The following PRAM1 variants were observed in gnomAD, a reference collection of about 807,000 sequenced individuals.
The protein encoded by PRAM1 is PML-RARA regulated adaptor molecule 1, also known as PML-RARA-regulated adapter molecule 1.
A neutral mutation model predicts 55.3 loss-of-function variants in PRAM1; 41 were observed. That is an observed-to-expected ratio of 0.74 (90% CI 0.58 to 0.96). The LOEUF (loss-of-function observed/expected upper bound fraction) is 0.96, where lower values mean the gene tolerates loss of function less well. PRAM1 is among the 40% of genes least tolerant of loss of function. The pLI is 0.00. For missense variants in PRAM1, 898 were observed against 892.7 expected, an observed-to-expected ratio of 1.01 and a Z score of -0.08; for synonymous variants, 401 against 387.1, an observed-to-expected ratio of 1.04 and a Z score of -0.42.
chr19:8,494,967 TCTCA>T (rs1043885580), intron 4 of PRAM1, among the ~76,000 whole-genome samples: 3 of 144,010 alleles, frequency 2.1e-5, no homozygotes, highest in Non-Finnish European at 3.0e-5. Flanking sequence ...AGACACAGAG[TCTCA>T]CTCTGTCACC....
chr19:8,500,827 G>A (rs1033471945), intron 1 of PRAM1, among the ~76,000 whole-genome samples: 10 of 152,210 alleles, frequency 6.6e-5, no homozygotes, highest in Middle Eastern at 6.8e-3. Context: ...GTGCAATGGC[G>A]CGATCTCGGC....
At position 8,499,766 on chromosome 19, in the gene PRAM1, G is replaced by C; in HGVS notation, c.42C>G (p.Asp14Glu). The C allele has an allele frequency of 6.2e-7, 1 of 1,605,292 alleles. No individual in the cohort carries two copies. Residue 14 changes from aspartate (D) to glutamate (E), a missense_variant, in exon 2 of 10, where the codon GAC becomes GAG. Physicochemically the swap from Asp to Glu is conservative, Grantham distance 45. Coordinates refer to ENST00000423345, the MANE Select transcript of PRAM1 (RefSeq NM_032152.5). ...HLPAAMESHQDFRSIKAKFQA... is the reference protein window; with the variant it reads ...HLPAAMESHQEFRSIKAKFQA... ...GGAACTTTGCTTTGATGCTCCGGAA[G>C]TCCTGATGGCTCTCCTAGGAGACGC...
In PRAM1 at chr19:8,490,256, C is replaced by T. The variant is rs768898964; in HGVS notation, c.1976-30G>A. 1.2e-6 allele frequency: 2 copies of T among 1,610,878 alleles called. No homozygotes were observed. The highest frequency in any genetic ancestry group is 1.7e-6 in the Non-Finnish European group (2 of 1,178,230). On this transcript the variant is annotated intron_variant, in intron 9 of 9. Coordinates refer to ENST00000423345, the MANE Select transcript of PRAM1 (RefSeq NM_032152.5). The surrounding 1 kb of genome is among the most constrained non-coding windows in gnomAD (Gnocchi z 7.3). ...CGAGGAAGCGTGACTTCCATGGACC[C>T]CTCTCCCCAGAAGCCCAATAGTGAG...
intron 4 of PRAM1, among the ~76,000 whole-genome samples, chr19:8,492,750 A>T (rs1333989176): frequency 6.6e-6 from 1 of 152,006 alleles, no homozygotes. Context: ...TCATCCCAGC[A>T]CTTTGGGAGG....
In PRAM1 at chr19:8,494,376, G is replaced by C. The variant is rs549761190; in HGVS notation, c.1577-3219C>G. On this transcript the variant is annotated intron_variant, in intron 4 of 9. Transcript: ENST00000423345. Reference sequence around the variant, plus strand: ...CAAGCCACAGAGCCTCCCCTAGAGCGGAAGCAGAAGGGGCCCCACCAGGAA... The same window carrying C: ...CAAGCCACAGAGCCTCCCCTAGAGCCGAAGCAGAAGGGGCCCCACCAGGAA... 7.9e-5 allele frequency among the ~76,000 whole-genome samples: 12 copies of C among 152,294 alleles called. No individual in the cohort carries two copies. In the East Asian group the frequency reaches 1.7e-3, roughly 22 times the overall value.
At position 8,499,479 on chromosome 19, in the gene PRAM1, G is replaced by C; in HGVS notation, c.329C>G (p.Pro110Arg). ...CTTCTTGGGGAGGTCAGTGACCTCA[G>C]GCGGCGGGGGCTTCTTGGGGAGGTC... ...VTDLPKKPPP[P>R]EVTDLPKKPS... The change falls in exon 2 of 10, where the codon CCT becomes CGT. Residue 110 changes from proline (P) to arginine (R), a missense_variant. By Grantham distance (103) the Pro-to-Arg change is moderately radical. Coordinates refer to ENST00000423345, the MANE Select transcript of PRAM1 (RefSeq NM_032152.5). 6.2e-7 allele frequency: 1 copy of C among 1,608,744 alleles called. No individual in the cohort carries two copies. The highest frequency in any genetic ancestry group is 1.1e-5 in the South Asian group (1 of 90,738).
rs368775014 is a variant in PRAM1, at chr19:8,499,007, G to A, written c.801C>T (p.Ser267=). ...GCTGGGAGGCCTTTTTGGGAAAGGC[G>A]CTGGAGTCGCGCTTCGGCTCGCTGG... ...PQSSEPKRDS[S]AFPKKASQPP... The change falls in exon 2 of 10, where the codon AGC becomes AGT. Residue 267 remains serine, a synonymous_variant. Transcript: ENST00000423345. 9.7e-5 allele frequency: 156 copies of A among 1,613,512 alleles called. No individual in the cohort carries two copies. In the African/African-American group the frequency reaches 1.8e-3, roughly 19 times the overall value.
intron 1 of PRAM1, among the ~76,000 whole-genome samples, chr19:8,501,818 CA>C (rs910732082): frequency 2.0e-5 from 3 of 152,298 alleles, no homozygotes; most frequent in African/African-American, 7.2e-5. Context: ...TTGGTGCAGA[CA>C]CCGTGGGCAC....
chr19:8,502,457 AC>A (rs138708138), intron 1 of PRAM1, 107 bp downstream of exon 1: 3 of 469,344 alleles, frequency 6.4e-6, no homozygotes, highest in East Asian at 5.0e-5. Context: ...TTTCGCAGCC[AC>A]CCCCCGCCCC....
chr19:8,490,481 C>G lies in PRAM1; in HGVS notation c.1935G>C (p.Leu645=). The G allele has an allele frequency of 6.2e-7, 1 of 1,612,788 alleles. No homozygotes were observed. Among genetic ancestry groups the G allele is most frequent in the Non-Finnish European group, 8.5e-7 (1 of 1,179,518 alleles). The change falls in exon 8 of 10, where the codon CTG becomes CTC. Residue 645 remains leucine, a synonymous_variant. Coordinates refer to ENST00000423345, the MANE Select transcript of PRAM1 (RefSeq NM_032152.5). This position sits in a 1 kb window ranked among gnomAD's most constrained non-coding sequence, Gnocchi z 7.3. ...CGGTCAGGGCTGGCACTCACAGGGG[C>G]AGGAGCGCTGTTCTGGGCACGTAGC... The part of the protein sequence containing the change: ...KYGYVPRTAL[L]PLETEVYDDV...
chr19:8,502,399 C>T (rs998677469), intron 1 of PRAM1, among the ~76,000 whole-genome samples, 166 bp downstream of exon 1: 3 of 152,118 alleles, frequency 2.0e-5, no homozygotes, highest in Non-Finnish European at 4.4e-5. Flanking sequence ...GCCTGGTGGC[C>T]GCCTACCTCG....
Position 8,490,157 on chromosome 19 carries a change from G to T in PRAM1, c.*32C>A. On this transcript the variant is annotated 3_prime_UTR_variant, in exon 10 of 10. Coordinates refer to ENST00000423345, the MANE Select transcript of PRAM1 (RefSeq NM_032152.5). The surrounding 1 kb of genome is among the most constrained non-coding windows in gnomAD (Gnocchi z 7.3). ...CTCCTGGGTGAGCGGGCGCTGGGCT[G>T]GCTGGCTGTCCTGGCCCCACGCCTA... is the stretch of plus-strand genomic sequence containing the variant. The T allele has an allele frequency of 1.3e-6, 2 of 1,521,832 alleles. No individual in the cohort carries two copies. The highest frequency in any genetic ancestry group is 8.8e-7 in the Non-Finnish European group (1 of 1,131,166). 94.3% of individuals were successfully genotyped at this position (1,521,832 alleles called of 1,614,324 possible).
In PRAM1 at chr19:8,499,728, G is replaced by A. The variant is rs367747523; in HGVS notation, c.80C>T (p.Pro27Leu). ...SIKAKFQASQ[P>L]EPSDLPKKPP... ...TTTTTTGGGCAGGTCGCTGGGCTCC[G>A]GCTGAGAGGCCTGGAACTTTGCTTT... is the stretch of plus-strand genomic sequence containing the variant. Residue 27 changes from proline (P) to leucine (L), a missense_variant, in exon 2 of 10, where the codon CCG becomes CTG. Around this residue, in one of 4 missense-constraint regions of PRAM1, gnomAD observed 79 missense variants for 93.4 expected, o/e 0.85. Coordinates refer to ENST00000423345, the MANE Select transcript of PRAM1 (RefSeq NM_032152.5). 22 of 1,613,422 alleles carry A rather than the reference G, an allele frequency of 1.4e-5. No homozygotes were observed. The highest frequency in any genetic ancestry group is 6.7e-5 in the Admixed American group (4 of 59,896).
In PRAM1 at chr19:8,499,673, C is replaced by T. The variant is rs117729791; in HGVS notation, c.135G>A (p.Lys45=). The T allele has an allele frequency of 6.2e-3, 9,934 of 1,609,352 alleles. 68 individuals are homozygous for T. The highest frequency in any genetic ancestry group is 7.4e-3 in the Non-Finnish European group (8,732 of 1,175,764). The change falls in exon 2 of 10, where the codon AAG becomes AAA. Residue 45 remains lysine (K), a synonymous_variant. Coordinates refer to ENST00000423345, the MANE Select transcript of PRAM1 (RefSeq NM_032152.5). ...KPPKPEFGKL[K]KFSQPELSEH... ...CGCTTAGCTCAGGCTGGGAGAACTT[C>T]TTCAGTTTACCAAACTCAGGCTTCG...
In PRAM1 at chr19:8,490,308, C is replaced by T. The variant is rs537383254; in HGVS notation, c.1975+30G>A. 4.3e-6 allele frequency: 7 copies of T among 1,613,958 alleles called. No homozygotes were observed. The highest frequency in any genetic ancestry group is 4.5e-5 in the East Asian group (2 of 44,876). ...AGCGCCCCCGGGGAATCGCCAGGGTCCCTCCAGCCCTCCCAGAGTGTCCAC... is the reference window on the plus strand; with the variant it reads ...AGCGCCCCCGGGGAATCGCCAGGGTTCCTCCAGCCCTCCCAGAGTGTCCAC... On this transcript the variant is annotated intron_variant, in intron 9 of 9. Transcript: ENST00000423345. The surrounding 1 kb of genome is among the most constrained non-coding windows in gnomAD (Gnocchi z 7.3).
intron 4 of PRAM1, chr19:8,491,455 A>G: frequency 4.2e-6 from 2 of 477,748 alleles, no homozygotes; most frequent in South Asian, 2.2e-5. Flanking sequence ...CTGGTCTTGA[A>G]CTCCTGACCT....
chr19:8,502,592 G>A lies in PRAM1; in HGVS notation c.-1C>T. ...TGGCTGCAGGCAGGTGATGGGCCAT[G>A]GGATGAGTGGGACCCGAGCTGGGGC... is the stretch of plus-strand genomic sequence containing the variant. On this transcript the variant is annotated 5_prime_UTR_variant, in exon 1 of 10. Coordinates refer to ENST00000423345, the MANE Select transcript of PRAM1 (RefSeq NM_032152.5). 6.4e-7 allele frequency: 1 copy of A among 1,550,768 alleles called. No homozygotes were observed. Among genetic ancestry groups the A allele is most frequent in the African/African-American group, 1.4e-5 (1 of 73,066 alleles).
At chr19:8,492,235 G>GT (rs35488462) in intron 4 of PRAM1, among the ~76,000 whole-genome samples, 82,736 of 142,656 alleles carry the variant, frequency 0.58, 26,489 homozygotes, top group Admixed American at 0.71. Flanking sequence ...GTGCCTAGCC[G>GT]TTTTTTTTTT....
intron 3 of PRAM1, 78 bp from the exon 4 acceptor site, chr19:8,497,918 C>T (rs1022751852): frequency 2.0e-6 from 2 of 1,012,872 alleles, no homozygotes; most frequent in Non-Finnish European, 2.7e-6. Flanking sequence ...TTCTCTGTTG[C>T]CCAGGCTGGA....
Sources: allele counts gnomAD v4.1 joint callset (sites outside exome capture counted in the v4.1 genomes callset), GRCh38; gene constraint gnomAD v4.1.1; regional missense constraint gnomAD v4.1.1; non-coding constraint Gnocchi (gnomAD v3.1); transcripts MANE v1.5; gene names NCBI Gene and HGNC (gene_info 2026-07-23, HGNC 2026-07-21).